The following BUD31 variants were observed in gnomAD, a reference collection of about 807,000 sequenced individuals.
BUD31 encodes the protein protein BUD31 homolog.
In BUD31, 9 loss-of-function variants were observed where a neutral mutation model predicts 17.9. The ratio of observed to expected loss-of-function variants is 0.50; its 90% CI spans 0.30 to 0.88. The LOEUF is 0.88. Ranked by LOEUF, BUD31 falls within the 40% of genes least tolerant of loss-of-function variation. The pLI is 0.06. For missense variants in BUD31, 148 were observed against 184.5 expected (o/e 0.80, Z 1.15); for synonymous variants, 70 against 64.7 (o/e 1.08, Z -0.39).
At chr7:99,413,618 A>G (rs1795272304) in intron 3 of BUD31, among the ~76,000 whole-genome samples, 1 of 151,906 alleles carries the variant, frequency 6.6e-6, no homozygotes, top group African/African-American at 2.4e-5. Context: ...TTTTTGAGAC[A>G]GGGTCATCTG....
intron 1 of BUD31, 136 bp downstream of exon 1, chr7:99,409,381 CT>C (rs903768813): frequency 3.9e-5 from 6 of 152,434 alleles, no homozygotes; most frequent in African/African-American, 1.4e-4. Context: ...CCCAATCTCT[CT>C]TACACCTCCC....
In BUD31 at chr7:99,414,301, G is replaced by A. The variant is rs370774799; in HGVS notation, c.95-1837G>A. ...ATTACAAGCGTGCACTACCACGCCC[G>A]GCTAATTTTTTAATTTTTAGTAGTG... On this transcript the variant is annotated intron_variant, in intron 3 of 5. Coordinates refer to ENST00000222969, the MANE Select transcript of BUD31 (RefSeq NM_003910.4). 4.1e-4 allele frequency among the ~76,000 whole-genome samples: 62 copies of A among 152,038 alleles called. No individual in the cohort carries two copies. The South Asian group carries it at 0.012, about 29-fold the overall frequency.
chr7:99,412,423 C>A (rs886450643), intron 3 of BUD31, among the ~76,000 whole-genome samples: 1 of 152,040 alleles, frequency 6.6e-6, no homozygotes, highest in African/African-American at 2.4e-5. Context: ...ATTCTTTGTT[C>A]TGTTTTCTTT....
chr7:99,418,021 G>A (rs1795603038), intron 5 of BUD31: 2 of 1,141,774 alleles, frequency 1.8e-6, no homozygotes, highest in Non-Finnish European at 2.2e-6. Context: ...AGGCTGGAGT[G>A]CAGTGATGCC....
At chr7:99,415,337 A>G in intron 3 of BUD31, 1 of 443,156 alleles carries the variant, frequency 2.3e-6, no homozygotes, top group South Asian at 1.6e-5. Context: ...GCAGAGAGAG[A>G]GAGACAGCTT....
chr7:99,415,695 C>A (rs544603684), intron 3 of BUD31, among the ~76,000 whole-genome samples: 1 of 152,166 alleles, frequency 6.6e-6, no homozygotes, highest in Non-Finnish European at 1.5e-5. Flanking sequence ...CAGATGCTGG[C>A]GTTACCGCTA....
intron 5 of BUD31, chr7:99,419,125 C>T (rs1419315717): frequency 3.7e-6 from 2 of 534,634 alleles, no homozygotes; most frequent in South Asian, 2.1e-5. Flanking sequence ...ACACCGATTT[C>T]TTTTTCTTGA....
chr7:99,409,416 A>G (rs1489506039), intron 1 of BUD31, among the ~76,000 whole-genome samples, 171 bp downstream of exon 1: 1 of 151,542 alleles, frequency 6.6e-6, no homozygotes, highest in Non-Finnish European at 1.5e-5. Flanking sequence ...TCTCGATCTG[A>G]TTACCTCCTA....
chr7:99,415,312 C>T (rs1383662162), intron 3 of BUD31: 4 of 453,738 alleles, frequency 8.8e-6, no homozygotes, highest in Admixed American at 7.2e-5. Flanking sequence ...GGGCCCTTGC[C>T]TGCCTGGCAC....
At position 99,416,237 on chromosome 7, in the gene BUD31, A is replaced by G. The variant is rs191425967; in HGVS notation, c.194A>G (p.Tyr65Cys). The change falls in exon 4 of 6, where the codon TAC becomes TGC. Residue 65 changes from tyrosine (Y) to cysteine (C), a missense_variant. By Grantham distance (194) the Tyr-to-Cys change is radical. Coordinates refer to ENST00000222969, the MANE Select transcript of BUD31 (RefSeq NM_003910.4). ...ACCCGCTACATCTTCGACCTCTTTT[A>G]CAAGCGGAAAGCCATCAGCAGAGGT... ...QKTRYIFDLF[Y>C]KRKAISRELY... The G allele has an allele frequency of 4.5e-5, 72 of 1,613,898 alleles. No individual in the cohort carries two copies. The highest frequency in any genetic ancestry group is 6.0e-5 in the Non-Finnish European group (71 of 1,179,850).
intron 3 of BUD31, 100 bp downstream of exon 3, chr7:99,411,286 G>T: frequency 1.2e-6 from 1 of 848,918 alleles, no homozygotes; most frequent in East Asian, 2.5e-5. Context: ...AAAGAGAGTG[G>T]TCTACTAACA....
chr7:99,419,420 C>T lies in BUD31; in HGVS notation c.414C>T (p.Gly138=). ...VGRIIECTHC[G]CRGCSG ...GCATCATCGAGTGCACACACTGTGG[C>T]TGTCGTGGCTGCTCTGGCTGAGGCT... The change falls in exon 6 of 6, where the codon GGC becomes GGT. Residue 138 remains glycine, a synonymous_variant. Transcript: ENST00000222969. The T allele has an allele frequency of 1.2e-6, 2 of 1,612,972 alleles. No homozygotes were observed. The highest frequency in any genetic ancestry group is 1.7e-6 in the Non-Finnish European group (2 of 1,180,022).
Position 99,419,615 on chromosome 7 carries a change from G to C in BUD31, c.*174G>C. On this transcript the variant is annotated 3_prime_UTR_variant, in exon 6 of 6. Coordinates refer to ENST00000222969, the MANE Select transcript of BUD31 (RefSeq NM_003910.4). ...TAAAAATAAAATCTTTAAATCTCTC[G>C]AGCCCCACGTCTCTTCTTTCAGAGC... 1.2e-6 allele frequency: 1 copy of C among 836,356 alleles called. No homozygotes were observed. Among genetic ancestry groups the C allele is most frequent in the East Asian group, 2.7e-5 (1 of 37,536 alleles). The allele number at this position is 836,356 out of a possible 1,614,324, so 51.8% of individuals were successfully genotyped here.
intron 3 of BUD31, among the ~76,000 whole-genome samples, 180 bp from the exon 4 acceptor site, chr7:99,415,958 T>A (rs1562831804): frequency 6.6e-6 from 1 of 152,234 alleles, no homozygotes; most frequent in South Asian, 2.1e-4. Context: ...TTATTTATTT[T>A]ATTATACTAG....
Position 99,410,118 on chromosome 7 carries a change from CAG to C in BUD31, c.-77_-76del, listed in dbSNP as rs1795117557. ...GAACAAGAATCCAAGCCTGCAACTG[CAG>C]AGACGAGAGATCTTTCTGCTGTCTA... On this transcript the variant is annotated 5_prime_UTR_variant, in exon 2 of 6. Coordinates refer to ENST00000222969, the MANE Select transcript of BUD31 (RefSeq NM_003910.4). The C allele has an allele frequency of 6.6e-6, 1 of 152,220 alleles. No individual in the cohort carries two copies. The highest frequency in any genetic ancestry group is 1.5e-5 in the Non-Finnish European group (1 of 68,040). The allele number at this position is 152,220 out of a possible 1,614,324, so 9.4% of individuals were successfully genotyped here.
Position 99,416,134 on chromosome 7 carries a change from C to T in BUD31, c.95-4C>T. 2 of 1,613,204 alleles carry T rather than the reference C, an allele frequency of 1.2e-6. No individual in the cohort carries two copies. The highest frequency in any genetic ancestry group is 2.7e-5 in the African/African-American group (2 of 74,998). On this transcript the variant is annotated splice_region_variant and splice_polypyrimidine_tract_variant and intron_variant, in intron 3 of 5. Coordinates refer to ENST00000222969, the MANE Select transcript of BUD31 (RefSeq NM_003910.4). ...CCCCAAACACACTCTTTGTTTCTCC[C>T]CAGCTGAAACAGAACCGCATGAGGG... is the stretch of plus-strand genomic sequence containing the variant.
Position 99,412,586 on chromosome 7 carries a change from G to A in BUD31, c.94+1400G>A, listed in dbSNP as rs955018501. On this transcript the variant is annotated intron_variant, in intron 3 of 5. Transcript: ENST00000222969. The stretch of plus-strand genomic sequence containing the variant: ...TGGGACTACAGGCATCCACTGCCAC[G>A]CTTGGCTAAGTTTTCTTTTCTTTTT... 3.3e-5 allele frequency among the ~76,000 whole-genome samples: 5 copies of A among 151,802 alleles called. No individual in the cohort carries two copies. In the South Asian group the frequency reaches 8.3e-4, roughly 25 times the overall value.
intron 4 of BUD31, 127 bp from the exon 5 acceptor site, chr7:99,417,302 C>G: frequency 2.2e-6 from 2 of 916,082 alleles, no homozygotes; most frequent in Non-Finnish European, 3.4e-6. Context: ...ATCCGCCTGC[C>G]TCGGCCTCCC....
At chr7:99,411,795 C>G (rs1795198626) in intron 3 of BUD31, 1 of 442,242 alleles carries the variant, frequency 2.3e-6, no homozygotes, top group Non-Finnish European at 4.6e-6. Context: ...ACCTCTGCCT[C>G]CCGTGTTCAA....
Sources: gnomAD v4.1 joint callset for allele counts (sites outside exome capture counted in the v4.1 genomes callset) on GRCh38, gnomAD v4.1.1 for gene constraint, MANE v1.5 for transcripts, NCBI Gene and HGNC (gene_info 2026-07-23, HGNC 2026-07-21) for gene names.